AFAP1L1: variants seen among roughly 807,000 people sequenced by gnomAD.
The protein encoded by AFAP1L1 is actin filament-associated protein 1-like 1.
Under a neutral mutation model 99.8 loss-of-function variants are expected in AFAP1L1, and 77 were observed. That is an observed-to-expected ratio of 0.77 (90% confidence interval 0.64 to 0.93). The LOEUF (loss-of-function observed/expected upper bound fraction) is 0.93. AFAP1L1 is among the 40% of genes least tolerant of loss of function. AFAP1L1 has a pLI of 0.00. For synonymous variants in AFAP1L1, 373 were observed against 395.3 expected (o/e 0.94, Z 0.67); for missense variants, 893 against 996.8 (o/e 0.90, Z 1.40).
At chr5:149,338,433 T>A (rs1333893158) in intron 18 of AFAP1L1, among the ~76,000 whole-genome samples, 2 of 152,164 alleles carry the variant, frequency 1.3e-5, no homozygotes, top group Admixed American at 1.3e-4. Context: ...ACCACTGCAC[T>A]CCAGCCTAGA....
At chr5:149,311,362 A>G (rs924945326) in intron 8 of AFAP1L1, among the ~76,000 whole-genome samples, 4 of 152,188 alleles carry the variant, frequency 2.6e-5, no homozygotes, top group African/African-American at 9.6e-5. Flanking sequence ...TTGCCTTGAC[A>G]TTGATCCTGG....
intron 18 of AFAP1L1, 85 bp downstream of exon 18, chr5:149,335,807 T>C: frequency 1.3e-6 from 2 of 1,543,140 alleles, no homozygotes; most frequent in Non-Finnish European, 1.8e-6. Flanking sequence ...AAAAATCAAC[T>C]AGTGAGAAAG....
chr5:149,274,776 G>C (rs1010735821), intron 1 of AFAP1L1, among the ~76,000 whole-genome samples: 8 of 151,992 alleles, frequency 5.3e-5, no homozygotes, highest in Non-Finnish European at 1.2e-4. Flanking sequence ...CTACTCGAGA[G>C]GCTGCGACAG....
intron 1 of AFAP1L1, among the ~76,000 whole-genome samples, chr5:149,283,122 G>T (rs1025142535): frequency 6.6e-6 from 1 of 152,212 alleles, no homozygotes. Context: ...TACAACTGGG[G>T]AAACAGGTAC....
Position 149,319,620 on chromosome 5 carries a change from G to A in AFAP1L1, c.1518G>A (p.Leu506=), listed in dbSNP as rs1319376175. Residue 506 remains leucine, a synonymous_variant, in exon 13 of 19, where the codon CTG becomes CTA. Transcript: ENST00000296721. ...CSEDMGRWLG[L]LLVEMGSRVT... The stretch of plus-strand genomic sequence containing the variant: ...AGGACATGGGTCGCTGGCTCGGGCT[G>A]CTGCTGGTGGAGATGGGCTCCAGAG... 6.2e-7 allele frequency: 1 copy of A among 1,613,376 alleles called. No homozygotes were observed. Among genetic ancestry groups the A allele is most frequent in the Admixed American group, 1.7e-5 (1 of 60,008 alleles).
chr5:149,342,279 A>G lies in AFAP1L1; in HGVS notation c.*2249A>G, dbSNP rs1022475702. The stretch of plus-strand genomic sequence containing the variant: ...CTTTAGTTTTCACTGAAACCCTGAG[A>G]TAAGTTATATTGCCCTAGTTTTCAC... On this transcript the variant is annotated 3_prime_UTR_variant, in exon 19 of 19. Transcript: ENST00000296721. Among the ~76,000 whole-genome samples, 43 of 152,218 alleles carry G rather than the reference A, an allele frequency of 2.8e-4. No individual in the cohort carries two copies. Among genetic ancestry groups the G allele is most frequent in the Non-Finnish European group, 4.4e-4 (30 of 68,042 alleles).
intron 1 of AFAP1L1, 132 bp downstream of exon 1, chr5:149,272,116 C>T (rs1755133450): frequency 2.1e-6 from 2 of 955,022 alleles, no homozygotes; most frequent in African/African-American, 3.4e-5. Flanking sequence ...TCGGAGGGGA[C>T]TGGGAGACGC....
chr5:149,317,608 A>G lies in AFAP1L1; in HGVS notation c.1268-121A>G. On this transcript the variant is annotated intron_variant, in intron 11 of 18. Coordinates refer to ENST00000296721, the MANE Select transcript of AFAP1L1 (RefSeq NM_152406.4). ...ACACCCAAGGTCACCCTGAGGTCACAGGGGAAAGAGAGCTGACCAGGACCC... is the reference window on the plus strand; with the variant it reads ...ACACCCAAGGTCACCCTGAGGTCACGGGGGAAAGAGAGCTGACCAGGACCC... 3 of 984,494 alleles carry G rather than the reference A, an allele frequency of 3.0e-6. No individual in the cohort carries two copies. The South Asian group carries it at 5.0e-5, about 16-fold the overall frequency. 61.0% of individuals were successfully genotyped at this position (984,494 alleles called of 1,614,324 possible).
At chr5:149,275,667 A>G (rs142707548) in intron 1 of AFAP1L1, among the ~76,000 whole-genome samples, 2,265 of 151,516 alleles carry the variant, frequency 0.015, 59 homozygotes, top group African/African-American at 0.052. Flanking sequence ...CACCATGCCC[A>G]GCTAATTTTT....
At chr5:149,278,071 G>T (rs987570381) in intron 1 of AFAP1L1, among the ~76,000 whole-genome samples, 8 of 152,146 alleles carry the variant, frequency 5.3e-5, no homozygotes, top group African/African-American at 1.9e-4. Context: ...CCTCTGCCAA[G>T]AACATATCGT....
chr5:149,313,734 C>T (rs1275713072), intron 9 of AFAP1L1, among the ~76,000 whole-genome samples: 1 of 152,194 alleles, frequency 6.6e-6, no homozygotes, highest in African/African-American at 2.4e-5. Flanking sequence ...CTTATAAATG[C>T]CAAGCTGTGT....
intron 1 of AFAP1L1, among the ~76,000 whole-genome samples, chr5:149,277,616 C>T (rs190486848): frequency 6.6e-6 from 1 of 152,336 alleles, no homozygotes; most frequent in East Asian, 1.9e-4. Context: ...ATATTCGAAT[C>T]ATCTTTTTGA....
At chr5:149,298,838 G>A (rs902632386) in intron 1 of AFAP1L1, among the ~76,000 whole-genome samples, 5 of 152,194 alleles carry the variant, frequency 3.3e-5, no homozygotes, top group Admixed American at 6.5e-5. Flanking sequence ...GATCAGAAAT[G>A]CAGAATCTCG....
rs768491851 is a variant in AFAP1L1 at position 149,335,681 on chromosome 5, A to G, written c.2242A>G (p.Ile748Val). 8 of 1,613,954 alleles carry G rather than the reference A, an allele frequency of 5.0e-6. No individual in the cohort carries two copies. The South Asian group carries it at 6.6e-5, about 13-fold the overall frequency. Residue 748 changes from isoleucine (I) to valine (V), a missense_variant, in exon 18 of 19, where the codon ATC becomes GTC. Physicochemically the swap from Ile to Val is conservative, Grantham distance 29. Transcript: ENST00000296721. ...VSELRKRSPSIVASNQGRVLQ... is the reference protein window; with the variant it reads ...VSELRKRSPSVVASNQGRVLQ... ...TGAGCTGAGGAAGAGGAGCCCATCC[A>G]TCGTAGCCTCCAACCAAGGAAGGGT... is the stretch of plus-strand genomic sequence containing the variant.
intron 15 of AFAP1L1, among the ~76,000 whole-genome samples, chr5:149,323,878 G>A (rs1408491759): frequency 6.6e-6 from 1 of 152,176 alleles, no homozygotes; most frequent in Non-Finnish European, 1.5e-5. Context: ...AAGCATGTAA[G>A]ATTAAAGAAA....
intron 18 of AFAP1L1, among the ~76,000 whole-genome samples, chr5:149,339,494 A>T (rs1296382634): frequency 1.3e-5 from 2 of 152,180 alleles, no homozygotes; most frequent in African/African-American, 4.8e-5. Context: ...ACCTAGCCCA[A>T]TAAAACTTAT....
intron 5 of AFAP1L1, among the ~76,000 whole-genome samples, chr5:149,303,828 T>C (rs1361215265): frequency 6.6e-6 from 1 of 152,236 alleles, no homozygotes; most frequent in African/African-American, 2.4e-5. Flanking sequence ...CTATTACTGT[T>C]TGTGCTTTTT....
Position 149,320,447 on chromosome 5 carries a change from C to T in AFAP1L1, c.1682C>T (p.Pro561Leu). Residue 561 changes from proline to leucine, a missense_variant, in exon 14 of 19, where the codon CCT becomes CTT. Transcript: ENST00000296721. The surrounding 1 kb of genome is among the most constrained non-coding windows in gnomAD (Gnocchi z 4.0). Reference protein sequence around the residue: ...WPEPRVYDDVPYEKMQDEEPE... With the variant: ...WPEPRVYDDVLYEKMQDEEPE... ...GAGCCCCGAGTCTATGATGATGTTC[C>T]TTATGAAAAGATGCAGGTACAGTCC... 3.1e-6 allele frequency: 5 copies of T among 1,614,212 alleles called. No individual in the cohort carries two copies. The highest frequency in any genetic ancestry group is 4.2e-6 in the Non-Finnish European group (5 of 1,180,036).
In AFAP1L1 at chr5:149,307,508, C is replaced by T; in HGVS notation, c.642C>T (p.Ser214=). ...PRHQWPSEEA[S]MHLVRECRIC... is the part of the protein sequence containing the mutation. ...ACCAGTGGCCCTCAGAGGAGGCCTC[C>T]ATGCACCTGGTGAGGGAATGCAGGA... Residue 214 remains serine, a synonymous_variant, in exon 7 of 19, where the codon TCC becomes TCT. Transcript: ENST00000296721. 2 of 1,614,110 alleles carry T rather than the reference C, an allele frequency of 1.2e-6. No individual in the cohort carries two copies. The highest frequency in any genetic ancestry group is 1.7e-6 in the Non-Finnish European group (2 of 1,180,020).
Sources: allele counts gnomAD v4.1 joint callset (sites outside exome capture counted in the v4.1 genomes callset), GRCh38; gene constraint gnomAD v4.1.1; non-coding constraint Gnocchi (gnomAD v3.1); transcripts MANE v1.5; gene names NCBI Gene and HGNC (gene_info 2026-07-23, HGNC 2026-07-21).